Variants in CELF2 observed in about 807,000 individuals in gnomAD.
The protein encoded by CELF2 is CUGBP Elav-like family member 2.
CELF2 carries 8 observed loss-of-function variants against 62.6 expected under a neutral mutation model. That is an observed-to-expected ratio of 0.13 (90% CI 0.07 to 0.23). The LOEUF (loss-of-function observed/expected upper bound fraction) is 0.23. Ranked by LOEUF, CELF2 falls within the 10% of genes least tolerant of loss-of-function variation. CELF2 has a pLI of 1.00. For synonymous variants in CELF2, 258 were observed against 250.0 expected (o/e 1.03, Z -0.30); for missense variants, 333 against 671.0 (o/e 0.50, Z 5.56).
At chr10:10,708,873 C>T in the CELF2 span, among the ~76,000 whole-genome samples, 4 of 152,244 alleles carry the variant, frequency 2.6e-5, no homozygotes, top group Non-Finnish European at 4.4e-5. Context: ...CTTACACACA[C>T]GCACACGCAC....
At chr10:11,295,141 A>G (rs2093012139) in intron 9 of CELF2, among the ~76,000 whole-genome samples, 1 of 152,164 alleles carries the variant, frequency 6.6e-6, no homozygotes, top group African/African-American at 2.4e-5. Flanking sequence ...ATGTTAATGG[A>G]GTCACACATT....
intron 2 of CELF2, among the ~76,000 whole-genome samples, chr10:11,200,115 TGAGAA>T (rs200082044): frequency 0.029 from 4,347 of 152,310 alleles, 101 homozygotes; most frequent in Non-Finnish European, 0.039. Context: ...TTCAACTTAA[TGAGAA>T]GAGAAGAGGT....
At chr10:10,521,895 T>C in the CELF2 span, among the ~76,000 whole-genome samples, 1 of 152,182 alleles carries the variant, frequency 6.6e-6, no homozygotes, top group Non-Finnish European at 1.5e-5. Flanking sequence ...GAACTCTACA[T>C]ACTCATGACA....
chr10:11,321,345 G>A lies in CELF2; in HGVS notation c.1253G>A (p.Ser418Asn), dbSNP rs1393833769. The change falls in exon 11 of 13, where the codon AGC (serine) becomes AAC (asparagine). Residue 418 changes from serine (S) to asparagine (N), a missense_variant. Physicochemically the swap from Ser to Asn is conservative, Grantham distance 46. Around this residue, in one of 3 missense-constraint regions of CELF2, gnomAD observed 253 missense variants for 503.0 expected, o/e 0.50. Coordinates refer to ENST00000633077, the MANE Select transcript of CELF2 (RefSeq NM_001326342.2). The surrounding 1 kb of genome is among the most constrained non-coding windows in gnomAD (Gnocchi z 6.2). ...AAALPTLYSQ[S>N]LLQQQSAAGS... Reference sequence around the variant, plus strand: ...GCGCTGCCCACTCTGTACAGCCAGAGCCTGCTGCAGCAGCAGAGCGCTGCA... The same window carrying A: ...GCGCTGCCCACTCTGTACAGCCAGAACCTGCTGCAGCAGCAGAGCGCTGCA... 2.5e-6 allele frequency: 4 copies of A among 1,610,728 alleles called. No individual in the cohort carries two copies. The South Asian group carries it at 4.4e-5, about 18-fold the overall frequency.
At chr10:10,755,754 G>A in the CELF2 span, among the ~76,000 whole-genome samples, 1 of 152,162 alleles carries the variant, frequency 6.6e-6, no homozygotes, top group African/African-American at 2.4e-5. Flanking sequence ...CTTCAACCAC[G>A]GGTAGGATCA....
chr10:10,859,671 G>C (rs10905848), intron 1 of CELF2, among the ~76,000 whole-genome samples: 25,662 of 152,032 alleles, frequency 0.17, 2,291 homozygotes, highest in Non-Finnish European at 0.2. Flanking sequence ...TTTCGAATAA[G>C]TGGTTTATTC....
At chr10:11,006,554 T>A (rs1479106056) in intron 1 of CELF2, among the ~76,000 whole-genome samples, 1 of 152,224 alleles carries the variant, frequency 6.6e-6, no homozygotes, top group Admixed American at 6.5e-5. Flanking sequence ...TGGGGATTTT[T>A]AATTTGCTCA....
intron 3 of CELF2, among the ~76,000 whole-genome samples, chr10:11,232,621 C>T (rs1445486411): frequency 2.0e-5 from 3 of 152,080 alleles, no homozygotes; most frequent in African/African-American, 7.2e-5. Flanking sequence ...TTTGTAGCTC[C>T]TCCTGAGATG....
the CELF2 span, among the ~76,000 whole-genome samples, chr10:10,580,183 A>G: frequency 6.6e-6 from 1 of 152,214 alleles, no homozygotes; most frequent in Non-Finnish European, 1.5e-5. Context: ...AAGCCATTCA[A>G]AAAGCTTATA....
At chr10:10,843,750 G>C (rs927467635) in intron 1 of CELF2, among the ~76,000 whole-genome samples, 1 of 151,920 alleles carries the variant, frequency 6.6e-6, no homozygotes, top group African/African-American at 2.4e-5. Context: ...CTGATAGAAG[G>C]GTATTAAAGC....
chr10:10,616,404 A>G, the CELF2 span, among the ~76,000 whole-genome samples: 4 of 151,312 alleles, frequency 2.6e-5, no homozygotes, highest in Admixed American at 2.6e-4. Context: ...TATGGAAAGA[A>G]TTCTCTCAAT....
At chr10:11,286,817 A>C (rs1028132380) in intron 8 of CELF2, among the ~76,000 whole-genome samples, 4 of 152,200 alleles carry the variant, frequency 2.6e-5, no homozygotes, top group Non-Finnish European at 4.4e-5. Flanking sequence ...ACTTTCAAGC[A>C]TCCCTGTGAA....
intron 1 of CELF2, among the ~76,000 whole-genome samples, chr10:10,860,462 A>G (rs1275137605): frequency 6.6e-6 from 1 of 152,178 alleles, no homozygotes; most frequent in Non-Finnish European, 1.5e-5. Flanking sequence ...TTCTGATGGA[A>G]ATTCTATGAC....
At chr10:10,740,708 T>A in the CELF2 span, among the ~76,000 whole-genome samples, 1 of 152,224 alleles carries the variant, frequency 6.6e-6, no homozygotes, top group African/African-American at 2.4e-5. Flanking sequence ...TAAAGAAATA[T>A]ATGTATGTAT....
intron 1 of CELF2, among the ~76,000 whole-genome samples, chr10:10,874,994 A>G (rs1053526215): frequency 1.3e-5 from 2 of 152,364 alleles, no homozygotes; most frequent in African/African-American, 4.8e-5. Flanking sequence ...TGATTTCCTT[A>G]TCCAAATTAT....
At chr10:11,192,148 T>C (rs1294332969) in intron 2 of CELF2, among the ~76,000 whole-genome samples, 4 of 152,174 alleles carry the variant, frequency 2.6e-5, no homozygotes, top group Middle Eastern at 3.2e-3. Context: ...GATTCATACC[T>C]ACTGAGGAGG....
intron 1 of CELF2, among the ~76,000 whole-genome samples, chr10:10,840,019 A>G (rs1185475463): frequency 2.0e-5 from 3 of 152,122 alleles, no homozygotes; most frequent in Non-Finnish European, 4.4e-5. Flanking sequence ...TTGTCTATGT[A>G]TTTGCATGGC....
intron 1 of CELF2, among the ~76,000 whole-genome samples, chr10:11,076,626 T>G (rs1714525408): frequency 6.6e-6 from 1 of 152,232 alleles, no homozygotes; most frequent in Non-Finnish European, 1.5e-5. Flanking sequence ...ATTGCCTTTT[T>G]AAAAGAATGC....
At chr10:10,945,957 G>C (rs900328068) in intron 2 of CELF2, 1 of 152,694 alleles carries the variant, frequency 6.5e-6, no homozygotes, top group Non-Finnish European at 1.5e-5. Flanking sequence ...AAAAGAGCAA[G>C]ATTTATACAA....
Sources: gnomAD v4.1 joint callset for allele counts (sites outside exome capture counted in the v4.1 genomes callset) on GRCh38, gnomAD v4.1.1 for gene constraint, gnomAD v4.1.1 regional missense constraint, Gnocchi (gnomAD v3.1) non-coding constraint, MANE v1.5 for transcripts, NCBI Gene and HGNC (gene_info 2026-07-23, HGNC 2026-07-21) for gene names.